LRRC4C: variants seen among roughly 807,000 people sequenced by gnomAD.
The protein encoded by LRRC4C is leucine rich repeat containing 4C.
In LRRC4C, 5 loss-of-function variants were observed where a neutral mutation model predicts 33.6. The observed-to-expected ratio is 0.15, with a 90% CI of 0.08 to 0.31. The LOEUF (loss-of-function observed/expected upper bound fraction) is 0.31, where lower values mean the gene tolerates loss of function less well. LRRC4C is among the 10% of genes least tolerant of loss of function. LRRC4C has a pLI of 1.00. For synonymous variants in LRRC4C, 329 were observed against 302.0 expected, an observed-to-expected ratio of 1.09 and a Z score of -0.93; for missense variants, 560 against 796.7, an observed-to-expected ratio of 0.70 and a Z score of 3.58.
intron 1 of LRRC4C, among the ~76,000 whole-genome samples, chr11:41,188,645 A>G (rs1279158694): frequency 2.0e-5 from 3 of 151,144 alleles, no homozygotes; most frequent in African/African-American, 7.3e-5. Context: ...TTTGATCAAT[A>G]TTAGTTTTTT....
chr11:40,169,050 C>T (rs551831136), intron 5 of LRRC4C, among the ~76,000 whole-genome samples: 83 of 152,108 alleles, frequency 5.5e-4, no homozygotes, highest in Middle Eastern at 3.4e-3. Flanking sequence ...AACTTTGCAA[C>T]GGAGCATTTT....
chr11:40,486,318 G>A (rs1406118425), intron 3 of LRRC4C, among the ~76,000 whole-genome samples: 3 of 151,958 alleles, frequency 2.0e-5, no homozygotes, highest in South Asian at 4.2e-4. Context: ...ACTTATAGGG[G>A]AAAAAGTTAA....
At chr11:41,245,943 G>C (rs1322724902) in intron 1 of LRRC4C, among the ~76,000 whole-genome samples, 3 of 152,120 alleles carry the variant, frequency 2.0e-5, no homozygotes, top group Non-Finnish European at 4.4e-5. Context: ...AGGAGAGGGA[G>C]TGTGTGCTGA....
intron 3 of LRRC4C, among the ~76,000 whole-genome samples, chr11:40,437,389 CT>C (rs891909515): frequency 4.0e-5 from 6 of 151,570 alleles, no homozygotes; most frequent in African/African-American, 7.2e-5. Context: ...CAATGACTTT[CT>C]TTTTTTCTTT....
chr11:40,660,089 T>G (rs149244062), intron 2 of LRRC4C, among the ~76,000 whole-genome samples: 1 of 152,340 alleles, frequency 6.6e-6, no homozygotes, highest in East Asian at 1.9e-4. Context: ...GCATTCTCCT[T>G]GTCCACACAC....
chr11:40,854,675 A>C (rs1953686100), intron 2 of LRRC4C, among the ~76,000 whole-genome samples: 1 of 151,688 alleles, frequency 6.6e-6, no homozygotes, highest in Non-Finnish European at 1.5e-5. Flanking sequence ...ATACATTAAA[A>C]ATATGTTTGT....
At chr11:41,335,316 G>A (rs926476900) in intron 1 of LRRC4C, among the ~76,000 whole-genome samples, 10 of 152,254 alleles carry the variant, frequency 6.6e-5, no homozygotes, top group African/African-American at 2.4e-4. Flanking sequence ...AATGTGTGGA[G>A]GGTATATGAA....
At chr11:40,417,743 G>A (rs760714292) in intron 3 of LRRC4C, among the ~76,000 whole-genome samples, 1 of 152,028 alleles carries the variant, frequency 6.6e-6, no homozygotes, top group Non-Finnish European at 1.5e-5. Flanking sequence ...AAGCCTTTCT[G>A]AGAAGTACAC....
Position 40,354,722 on chromosome 11 carries a change from C to T in LRRC4C, c.-269-35001G>A, listed in dbSNP as rs1433589948. ...GAATGCTGCTAGGCCTGGGTCTCTC[C>T]TTTCAGGACAGTCGGCTTCCCTGTG... is the stretch of plus-strand genomic sequence containing the variant. On this transcript the variant is annotated intron_variant, in intron 3 of 6. Coordinates refer to ENST00000528697, the MANE Select transcript of LRRC4C (RefSeq NM_001258419.2). 2.0e-5 allele frequency among the ~76,000 whole-genome samples: 3 copies of T among 152,074 alleles called. No homozygotes were observed. The East Asian group carries it at 5.8e-4, about 30-fold the overall frequency.
At chr11:40,539,970 A>T (rs1956635944) in intron 3 of LRRC4C, among the ~76,000 whole-genome samples, 1 of 151,974 alleles carries the variant, frequency 6.6e-6, no homozygotes, top group South Asian at 2.1e-4. Context: ...TAAAATTGTA[A>T]TTTTTTTTGT....
intron 2 of LRRC4C, among the ~76,000 whole-genome samples, chr11:40,860,628 C>T (rs1041135291): frequency 1.3e-5 from 2 of 152,076 alleles, no homozygotes; most frequent in African/African-American, 4.8e-5. Context: ...CTTCACATGG[C>T]TGTCTTCTTA....
chr11:40,625,337 C>T (rs1962824988), intron 3 of LRRC4C, among the ~76,000 whole-genome samples: 1 of 152,156 alleles, frequency 6.6e-6, no homozygotes, highest in Non-Finnish European at 1.5e-5. Context: ...GTTTAATGGA[C>T]TCACAATTCC....
intron 4 of LRRC4C, among the ~76,000 whole-genome samples, chr11:40,266,525 T>G (rs903012848): frequency 6.6e-6 from 1 of 151,930 alleles, no homozygotes; most frequent in African/African-American, 2.4e-5. Context: ...TTCCAACACT[T>G]CCCAAGTTAC....
intron 3 of LRRC4C, among the ~76,000 whole-genome samples, chr11:40,368,155 A>C (rs1010728648): frequency 6.6e-6 from 1 of 152,196 alleles, no homozygotes; most frequent in Admixed American, 6.5e-5. Context: ...AAATCAGCAC[A>C]TGTAAATAAA....
intron 2 of LRRC4C, among the ~76,000 whole-genome samples, chr11:40,788,874 T>C (rs1046398914): frequency 6.6e-6 from 1 of 151,936 alleles, no homozygotes. Flanking sequence ...AGGCGGATCA[T>C]GATGTCAGGA....
chr11:40,665,825 A>C (rs1318294626), intron 2 of LRRC4C, among the ~76,000 whole-genome samples: 1 of 152,150 alleles, frequency 6.6e-6, no homozygotes, highest in African/African-American at 2.4e-5. Context: ...TAGATTAGCC[A>C]GTCAATTTAG....
intron 3 of LRRC4C, among the ~76,000 whole-genome samples, chr11:40,322,087 T>C (rs1455808565): frequency 2.0e-5 from 3 of 152,096 alleles, no homozygotes; most frequent in Non-Finnish European, 4.4e-5. Flanking sequence ...GACTCACCAA[T>C]CGATTCACTA....
intron 1 of LRRC4C, among the ~76,000 whole-genome samples, chr11:41,199,027 G>A (rs900490755): frequency 1.3e-5 from 2 of 152,104 alleles, no homozygotes; most frequent in Admixed American, 6.6e-5. Flanking sequence ...CAACAAATCA[G>A]TGTTTAATAA....
Position 40,114,471 on chromosome 11 carries a change from T to C in LRRC4C, c.1822A>G (p.Thr608Ala), listed in dbSNP as rs775223297. Reference sequence around the variant, plus strand: ...GAATTTATTGTGTTAACTGTTGTTGTGTGGTTGAAGGGAGATTTGTATGAG... The same window carrying C: ...GAATTTATTGTGTTAACTGTTGTTGCGTGGTTGAAGGGAGATTTGTATGAG... ...YNSYKSPFNH[T>A]TTVNTINSIH... The change falls in exon 7 of 7, where the codon ACA (threonine) becomes GCA (alanine). Residue 608 changes from threonine (T) to alanine (A), a missense_variant. This residue lies in a region of LRRC4C where 103 missense variants were observed against 132.1 expected (regional missense o/e 0.78). Transcript: ENST00000528697. 1 of 1,614,186 alleles carries C rather than the reference T, an allele frequency of 6.2e-7. No individual in the cohort carries two copies. Among genetic ancestry groups the C allele is most frequent in the South Asian group, 1.1e-5 (1 of 91,080 alleles).
Sources: allele counts gnomAD v4.1 joint callset (sites outside exome capture counted in the v4.1 genomes callset), GRCh38; gene constraint gnomAD v4.1.1; regional missense constraint gnomAD v4.1.1; transcripts MANE v1.5; gene names NCBI Gene and HGNC (gene_info 2026-07-23, HGNC 2026-07-21).